EFCAB14: variants seen among roughly 807,000 people sequenced by gnomAD.
EFCAB14 encodes the protein EF-hand calcium binding domain 14.
Under a neutral mutation model 56.5 loss-of-function variants are expected in EFCAB14, and 43 were observed. That is an observed-to-expected ratio of 0.76 (90% CI 0.60 to 0.98). EFCAB14 has a LOEUF of 0.98. EFCAB14 is among the 50% of genes least tolerant of loss of function. The probability of loss-of-function intolerance (pLI) is 0.00; values close to 1 mark genes in which losing one functional copy is unlikely to be tolerated. For synonymous variants in EFCAB14, 235 were observed against 212.9 expected (o/e 1.10, Z -0.90); for missense variants, 538 against 580.3 (o/e 0.93, Z 0.75).
chr1:46,706,953 A>G (rs920255542), intron 3 of EFCAB14, among the ~76,000 whole-genome samples: 1 of 152,202 alleles, frequency 6.6e-6, no homozygotes, highest in Non-Finnish European at 1.5e-5. Context: ...GGTTCCAGGC[A>G]AAAGTTTGGA....
At chr1:46,709,716 G>A (rs528620369) in intron 2 of EFCAB14, among the ~76,000 whole-genome samples, 29 of 152,274 alleles carry the variant, frequency 1.9e-4, no homozygotes, top group African/African-American at 7.0e-4. Context: ...GGCTGGGTGC[G>A]GTGGCTCACA....
At chr1:46,703,712 T>C (rs1677193440) in intron 3 of EFCAB14, among the ~76,000 whole-genome samples, 1 of 152,140 alleles carries the variant, frequency 6.6e-6, no homozygotes, top group Non-Finnish European at 1.5e-5. Context: ...TTAAATATAT[T>C]GTGAAAAAGA....
At chr1:46,682,484 T>C (rs1018159192) in intron 10 of EFCAB14, among the ~76,000 whole-genome samples, 6 of 152,226 alleles carry the variant, frequency 3.9e-5, no homozygotes, top group African/African-American at 1.4e-4. Context: ...TGATTTTCAG[T>C]AAAAGGGTCC....
chr1:46,685,270 C>T (rs1557440593), intron 8 of EFCAB14: 1 of 152,326 alleles, frequency 6.6e-6, no homozygotes, highest in East Asian at 1.9e-4. Flanking sequence ...GTGGCATATA[C>T]AAATACATTT....
At chr1:46,683,195 C>G in intron 10 of EFCAB14, 105 bp downstream of exon 10, 1 of 1,323,168 alleles carries the variant, frequency 7.6e-7, no homozygotes. Flanking sequence ...CTTGATATCT[C>G]CTCAATAAAT....
chr1:46,713,759 G>C (rs2148851538), intron 2 of EFCAB14, among the ~76,000 whole-genome samples: 1 of 152,210 alleles, frequency 6.6e-6, no homozygotes, highest in African/African-American at 2.4e-5. Flanking sequence ...CTGTAGTTAG[G>C]AGACCCAATT....
chr1:46,695,851 A>T (rs1569708425), intron 4 of EFCAB14, among the ~76,000 whole-genome samples: 1 of 151,998 alleles, frequency 6.6e-6, no homozygotes, highest in Non-Finnish European at 1.5e-5. Flanking sequence ...AGCTAACTTT[A>T]AAATTTTTTG....
Position 46,677,616 on chromosome 1 carries a change from T to C in EFCAB14, c.*845A>G, listed in dbSNP as rs1035184581. On this transcript the variant is annotated 3_prime_UTR_variant, in exon 11 of 11. Coordinates refer to ENST00000371933, the MANE Select transcript of EFCAB14 (RefSeq NM_014774.3). ...GGGTGGGGAAGGCAATCTAGCTCAC[T>C]CAGCAGGGAAAATGGAGCTCCCCAA... The C allele has an allele frequency of 6.6e-6, 1 of 152,130 alleles. No individual in the cohort carries two copies. Among genetic ancestry groups the C allele is most frequent in the African/African-American group, 2.4e-5 (1 of 41,400 alleles). 9.4% of individuals were successfully genotyped at this position (152,130 alleles called of 1,614,324 possible).
intron 3 of EFCAB14, among the ~76,000 whole-genome samples, chr1:46,699,272 C>T (rs1264995266): frequency 6.6e-6 from 1 of 152,176 alleles, no homozygotes; most frequent in Non-Finnish European, 1.5e-5. Context: ...TACATAAAAA[C>T]CAAGCAGGCA....
intron 2 of EFCAB14, among the ~76,000 whole-genome samples, chr1:46,712,163 T>C (rs1227969386): frequency 1.3e-5 from 2 of 152,242 alleles, no homozygotes; most frequent in Admixed American, 6.5e-5. Flanking sequence ...TAGTATACTT[T>C]AGAGGTCACA....
rs758308606 is a variant in EFCAB14 at position 46,691,852 on chromosome 1, G to GT, written c.664dup (p.Thr222AsnfsTer8). The GT allele has an allele frequency of 1.2e-6, 2 of 1,613,240 alleles. No homozygotes were observed. Among genetic ancestry groups the GT allele is most frequent in the Admixed American group, 3.3e-5 (2 of 59,926 alleles). Reference sequence around the variant, plus strand: ...CATATCACTCTGCAGTAATTCCATCGTTTTCTTGTGTTCATCCACAGTTTT... The same window carrying GT: ...CATATCACTCTGCAGTAATTCCATCGTTTTTCTTGTGTTCATCCACAGTTTT... On this transcript the variant is annotated frameshift_variant, in exon 5 of 11. Transcript: ENST00000371933. LOFTEE classifies it high-confidence loss of function.
intron 2 of EFCAB14, among the ~76,000 whole-genome samples, chr1:46,710,872 C>T (rs1677297856): frequency 6.6e-6 from 1 of 152,118 alleles, no homozygotes; most frequent in African/African-American, 2.4e-5. Context: ...TTCTTATCTT[C>T]CACATATGAG....
intron 3 of EFCAB14, among the ~76,000 whole-genome samples, chr1:46,706,783 T>C (rs568098453): frequency 2.6e-5 from 4 of 152,222 alleles, no homozygotes; most frequent in Non-Finnish European, 2.9e-5. Context: ...TCATGAATTA[T>C]TTCATGAATA....
chr1:46,716,724 G>T (rs185700169), intron 1 of EFCAB14, among the ~76,000 whole-genome samples: 1 of 152,298 alleles, frequency 6.6e-6, no homozygotes, highest in East Asian at 1.9e-4. Flanking sequence ...TCAGGAGGGA[G>T]GTCTTTGAAT....
intron 5 of EFCAB14, 92 bp downstream of exon 5, chr1:46,691,735 C>T (rs934014640): frequency 1.3e-6 from 1 of 796,700 alleles, no homozygotes; most frequent in African/African-American, 1.7e-5. Flanking sequence ...AGATGCATAG[C>T]AGGGCCTTTT....
At chr1:46,710,756 TCCCTGGGCTGGTCTCAAAC>T (rs1677296439) in intron 2 of EFCAB14, among the ~76,000 whole-genome samples, 1 of 151,982 alleles carries the variant, frequency 6.6e-6, no homozygotes. Context: ...TTGCTATGCT[TCCCTGGGCTGGTCTCAAAC>T]CCCTGGGCTC....
intron 3 of EFCAB14, among the ~76,000 whole-genome samples, chr1:46,698,171 A>G (rs1313594144): frequency 6.6e-6 from 1 of 152,138 alleles, no homozygotes; most frequent in Non-Finnish European, 1.5e-5. Context: ...AATTTAATTT[A>G]AACAAAGCTC....
At chr1:46,713,382 T>C (rs1455714180) in intron 2 of EFCAB14, among the ~76,000 whole-genome samples, 7 of 152,164 alleles carry the variant, frequency 4.6e-5, no homozygotes, top group East Asian at 1.9e-4. Flanking sequence ...GAAAGCAGGG[T>C]CCGCAGTCCA....
intron 3 of EFCAB14, among the ~76,000 whole-genome samples, chr1:46,705,430 T>C (rs1172907755): frequency 2.0e-5 from 3 of 152,262 alleles, no homozygotes; most frequent in African/African-American, 7.2e-5. Context: ...CAATGTCATT[T>C]GGTTATAACG....
Sources: gnomAD v4.1 joint callset for allele counts (sites outside exome capture counted in the v4.1 genomes callset) on GRCh38, gnomAD v4.1.1 for gene constraint, MANE v1.5 for transcripts, NCBI Gene and HGNC (gene_info 2026-07-23, HGNC 2026-07-21) for gene names.